The following EXTL2 variants were observed in gnomAD, a reference collection of about 807,000 sequenced individuals.
The protein encoded by EXTL2 is exostosin like glycosyltransferase 2.
A neutral mutation model predicts 30.7 loss-of-function variants in EXTL2; 23 were observed. The observed-to-expected ratio is 0.75, with a 90% CI of 0.54 to 1.06. The LOEUF is 1.06. EXTL2 is among the 50% of genes least tolerant of loss of function. The probability of loss-of-function intolerance (pLI) is 0.00; values close to 1 mark genes in which losing one functional copy is unlikely to be tolerated. For synonymous variants in EXTL2, 123 were observed against 133.8 expected, an observed-to-expected ratio of 0.92 and a Z score of 0.56; for missense variants, 352 against 396.3, an observed-to-expected ratio of 0.89 and a Z score of 0.95.
intron 2 of EXTL2, chr1:100,881,037 AT>A: frequency 1.0e-6 from 1 of 984,502 alleles, no homozygotes; most frequent in Non-Finnish European, 1.2e-6. Context: ...ATAGCTCCTA[AT>A]CCCCCAATTT....
chr1:100,883,939 C>G (rs1177481468), intron 2 of EXTL2, among the ~76,000 whole-genome samples: 2 of 152,096 alleles, frequency 1.3e-5, no homozygotes, highest in Non-Finnish European at 2.9e-5. Flanking sequence ...TCATGGATGT[C>G]TTTAAATGGA....
At chr1:100,884,921 C>G (rs1341297705) in intron 2 of EXTL2, among the ~76,000 whole-genome samples, 6 of 152,152 alleles carry the variant, frequency 3.9e-5, no homozygotes, top group Non-Finnish European at 7.3e-5. Flanking sequence ...ACTCAGTGCT[C>G]ACATCACTAT....
intron 2 of EXTL2, among the ~76,000 whole-genome samples, chr1:100,883,949 A>C (rs1239788547): frequency 6.6e-6 from 1 of 152,202 alleles, no homozygotes; most frequent in Non-Finnish European, 1.5e-5. Flanking sequence ...CTTTAAATGG[A>C]CCAGGCAATT....
intron 2 of EXTL2, among the ~76,000 whole-genome samples, chr1:100,879,875 C>T (rs1332735333): frequency 6.6e-6 from 1 of 152,130 alleles, no homozygotes; most frequent in Non-Finnish European, 1.5e-5. Context: ...GAAGCTAGGC[C>T]ATCATTCCAT....
chr1:100,885,645 G>GC (rs1357567881), intron 2 of EXTL2: 3 of 152,158 alleles, frequency 2.0e-5, no homozygotes, highest in Non-Finnish European at 4.4e-5. Context: ...AATACAAAAT[G>GC]CCAGAAATGG....
At chr1:100,882,506 AG>A (rs1649640466) in intron 2 of EXTL2, among the ~76,000 whole-genome samples, 2 of 152,258 alleles carry the variant, frequency 1.3e-5, no homozygotes, top group Non-Finnish European at 2.9e-5. Context: ...CAAACAATAA[AG>A]GGCAAAGCCC....
intron 2 of EXTL2, among the ~76,000 whole-genome samples, chr1:100,884,272 T>C (rs1458173484): frequency 1.3e-5 from 2 of 152,252 alleles, no homozygotes; most frequent in African/African-American, 2.4e-5. Flanking sequence ...ATTTGCCTCA[T>C]ACTGTCCAGA....
chr1:100,883,759 T>C (rs923935117), intron 2 of EXTL2, among the ~76,000 whole-genome samples: 4 of 152,188 alleles, frequency 2.6e-5, no homozygotes, highest in African/African-American at 9.7e-5. Context: ...CTTAGGTGCT[T>C]ACCTAAGAGT....
At chr1:100,876,697 A>C (rs1253379170) in intron 4 of EXTL2, 97 bp downstream of exon 4, 2 of 763,914 alleles carry the variant, frequency 2.6e-6, no homozygotes, top group Non-Finnish European at 4.4e-6. Flanking sequence ...TATTATCTAA[A>C]ATATTTTAGG....
Position 100,886,282 on chromosome 1 carries a change from T to G in EXTL2, c.5+2471A>C, listed in dbSNP as rs538004095. ...AATATTGAGAAGTAGCTACACAAAC[T>G]TCAGTATCACATTTAAATAGAATGA... On this transcript the variant is annotated intron_variant, in intron 2 of 4. Coordinates refer to ENST00000370114, the MANE Select transcript of EXTL2 (RefSeq NM_001033025.3). Among the ~76,000 whole-genome samples the G allele has an allele frequency of 2.0e-5, 3 of 152,348 alleles. No individual in the cohort carries two copies. In the East Asian group the frequency reaches 5.8e-4, roughly 29 times the overall value.
intron 1 of EXTL2, among the ~76,000 whole-genome samples, chr1:100,893,467 C>A (rs865993563): frequency 6.6e-6 from 1 of 152,192 alleles, no homozygotes; most frequent in African/African-American, 2.4e-5. Flanking sequence ...ACAACCCCCC[C>A]CTTTCTTCAT....
rs977009056 is a variant in EXTL2, at chr1:100,877,479, T to C, written c.430A>G (p.Asn144Asp). Residue 144 changes from asparagine (N) to aspartate (D), a missense_variant, in exon 3 of 5, where the codon AAT becomes GAT. Asn to Asp is a conservative substitution (Grantham distance 23). Transcript: ENST00000370114. The surrounding 1 kb of genome is among the most constrained non-coding windows in gnomAD (Gnocchi z 4.1). The stretch of plus-strand genomic sequence containing the variant: ...TGAGAACTACACTGCAACTCACCAT[T>C]GGTTTCCAGTTCAGGAAAGACCTGG... ...RLQVFPELET[N>D]AVLMVDDDTL... The C allele has an allele frequency of 2.5e-5, 40 of 1,586,276 alleles. No individual in the cohort carries two copies. The highest frequency in any genetic ancestry group is 3.3e-5 in the Non-Finnish European group (39 of 1,166,546).
intron 1 of EXTL2, among the ~76,000 whole-genome samples, chr1:100,889,622 T>A (rs561326413): frequency 2.6e-5 from 4 of 152,126 alleles, no homozygotes; most frequent in Non-Finnish European, 4.4e-5. Flanking sequence ...AGTGGGGATA[T>A]AGGCATTGGA....
At chr1:100,886,049 A>G (rs907319876) in intron 2 of EXTL2, 1 of 152,256 alleles carries the variant, frequency 6.6e-6, no homozygotes, top group South Asian at 2.1e-4. Flanking sequence ...TTTATGGCCA[A>G]TTACAGTGAT....
intron 2 of EXTL2, among the ~76,000 whole-genome samples, chr1:100,887,773 G>A (rs1020355713): frequency 1.3e-5 from 2 of 151,722 alleles, no homozygotes; most frequent in Non-Finnish European, 1.5e-5. Flanking sequence ...GGCGCGATCC[G>A]GCTCACTGCA....
chr1:100,874,295 C>T lies in EXTL2; in HGVS notation c.640G>A (p.Gly214Arg). 1.9e-6 allele frequency: 3 copies of T among 1,612,956 alleles called. No homozygotes were observed. The highest frequency in any genetic ancestry group is 2.5e-6 in the Non-Finnish European group (3 of 1,179,432). Reference protein sequence around the residue: ...NGDQYSMVLIGASFFNSKYLE... With the variant: ...NGDQYSMVLIRASFFNSKYLE... ...TATTTGCTATTGAAGAATGAGGCTC[C>T]AATCAGCACCATAGAGTACTGGTCA... The change falls in exon 5 of 5, where the codon GGA becomes AGA. Residue 214 changes from glycine (G) to arginine (R), a missense_variant. Coordinates refer to ENST00000370114, the MANE Select transcript of EXTL2 (RefSeq NM_001033025.3).
chr1:100,878,905 C>T (rs1557954007), intron 2 of EXTL2, among the ~76,000 whole-genome samples: 1 of 152,014 alleles, frequency 6.6e-6, no homozygotes, highest in Non-Finnish European at 1.5e-5. Flanking sequence ...AGCCCTACAG[C>T]TTCCACAACT....
chr1:100,888,913 A>G (rs920613288), intron 1 of EXTL2, 85 bp from the exon 2 acceptor site: 9 of 494,104 alleles, frequency 1.8e-5, no homozygotes, highest in Admixed American at 3.1e-5. Context: ...TGGTGCTTTC[A>G]ATGCCATTGT....
chr1:100,874,539 C>T (rs1648951551), intron 4 of EXTL2, 109 bp from the exon 5 acceptor site: 1 of 898,154 alleles, frequency 1.1e-6, no homozygotes, highest in Admixed American at 2.4e-5. Context: ...GTCAACTCTT[C>T]CTTATTCCTG....
Sources: gnomAD v4.1 joint callset for allele counts (sites outside exome capture counted in the v4.1 genomes callset) on GRCh38, gnomAD v4.1.1 for gene constraint, Gnocchi (gnomAD v3.1) non-coding constraint, MANE v1.5 for transcripts, NCBI Gene and HGNC (gene_info 2026-07-23, HGNC 2026-07-21) for gene names.